Variants in AFF3 observed in about 807,000 individuals in gnomAD.
AFF3 encodes the protein AF4/FMR2 family member 3.
A neutral mutation model predicts 129.7 loss-of-function variants in AFF3; 32 were observed. The observed-to-expected ratio is 0.25, with a 90% confidence interval of 0.19 to 0.33. AFF3 has a LOEUF of 0.33. Ranked by LOEUF, AFF3 falls within the 10% of genes least tolerant of loss-of-function variation. AFF3 has a pLI of 1.00. For missense variants in AFF3, 1,373 were observed against 1,592.0 expected (o/e 0.86, Z 2.34); for synonymous variants, 644 against 635.4 (o/e 1.01, Z -0.20).
intron 8 of AFF3, among the ~76,000 whole-genome samples, 186 bp downstream of exon 8, chr2:99,837,291 C>T (rs1343458738): frequency 3.3e-5 from 5 of 152,006 alleles, no homozygotes; most frequent in African/African-American, 1.2e-4. Context: ...GCAGAGGTGC[C>T]CAGAGGGGGT....
intron 13 of AFF3, among the ~76,000 whole-genome samples, chr2:99,605,736 G>A (rs992225026): frequency 7.9e-5 from 12 of 152,224 alleles, no homozygotes; most frequent in African/African-American, 2.7e-4. Flanking sequence ...CCAGGCTGGA[G>A]TGCAGTAGTG....
At chr2:99,602,677 A>G (rs1285287133) in intron 13 of AFF3, among the ~76,000 whole-genome samples, 2 of 152,176 alleles carry the variant, frequency 1.3e-5, no homozygotes, top group Non-Finnish European at 2.9e-5. Flanking sequence ...ACTGCTTCCA[A>G]CTGTGACCAG....
At chr2:100,077,986 T>C (rs966128380) in intron 4 of AFF3, among the ~76,000 whole-genome samples, 5 of 152,234 alleles carry the variant, frequency 3.3e-5, no homozygotes, top group African/African-American at 1.2e-4. Flanking sequence ...CTTGCTAGTA[T>C]TGTCGACAAC....
chr2:99,900,082 G>A (rs1694239186), intron 7 of AFF3, among the ~76,000 whole-genome samples: 1 of 152,162 alleles, frequency 6.6e-6, no homozygotes, highest in South Asian at 2.1e-4. Context: ...GGATATTAAG[G>A]CTTGAGAAGA....
At chr2:99,779,626 C>T (rs542636281) in intron 8 of AFF3, among the ~76,000 whole-genome samples, 87 of 152,212 alleles carry the variant, frequency 5.7e-4, no homozygotes, top group African/African-American at 1.9e-3. Context: ...CCCCATCACC[C>T]GAAGCGTAAA....
At chr2:99,767,016 G>A (rs1683076064) in intron 8 of AFF3, among the ~76,000 whole-genome samples, 1 of 152,198 alleles carries the variant, frequency 6.6e-6, no homozygotes. Flanking sequence ...CACAGACACA[G>A]TTCCCTGTTT....
At chr2:99,645,737 T>C (rs566556594) in intron 13 of AFF3, among the ~76,000 whole-genome samples, 3 of 152,358 alleles carry the variant, frequency 2.0e-5, no homozygotes, top group African/African-American at 7.2e-5. Context: ...TTAAAATTTA[T>C]GTAACGGAAA....
chr2:99,553,917 C>CAAAAAAAAAAAAA (rs1674649199), intron 24 of AFF3, among the ~76,000 whole-genome samples: 3 of 72,454 alleles, frequency 4.1e-5, no homozygotes, highest in Non-Finnish European at 7.2e-5. Flanking sequence ...CTGTCTCAAA[C>CAAAAAAAAAAAAA]CAAAAAAAAA....
Position 99,706,856 on chromosome 2 carries a change from A to G in AFF3, c.1091+20221T>C, listed in dbSNP as rs1426232185. 3.9e-5 allele frequency among the ~76,000 whole-genome samples: 6 copies of G among 152,184 alleles called. No individual in the cohort carries two copies. In the East Asian group the frequency reaches 1.2e-3, roughly 29 times the overall value. On this transcript the variant is annotated intron_variant, in intron 11 of 24. Transcript: ENST00000672756. ...CTCTAAATGCCTCTCAAAGAAATAC[A>G]AATTCTTCTTTTATCTAAAATGATG...
rs114778901 is a variant in AFF3 at position 99,907,173 on chromosome 2, C to T, written c.874-69649G>A. On this transcript the variant is annotated intron_variant, in intron 7 of 24. Transcript: ENST00000672756. ...TAAGCTGGGCCTCTTTTTATCCTAA[C>T]GGAGGTGGAAAGTTACAACCCTTCC... Among the ~76,000 whole-genome samples the T allele has an allele frequency of 8.5e-3, 1,301 of 152,206 alleles. 19 individuals are homozygous for T. The highest frequency in any genetic ancestry group is 0.03 in the African/African-American group (1,227 of 41,522).
chr2:99,698,337 G>A (rs139654020), intron 11 of AFF3, among the ~76,000 whole-genome samples: 2 of 152,278 alleles, frequency 1.3e-5, no homozygotes, highest in African/African-American at 4.8e-5. Flanking sequence ...GTGCTGACTG[G>A]CCAAGAGTCT....
At chr2:99,692,662 C>A (rs77179555) in intron 11 of AFF3, among the ~76,000 whole-genome samples, 1 of 152,182 alleles carries the variant, frequency 6.6e-6, no homozygotes, top group African/African-American at 2.4e-5. Context: ...TAGAAGTCCA[C>A]CAGACATTCC....
chr2:99,884,376 T>A (rs79785265), intron 7 of AFF3, among the ~76,000 whole-genome samples: 1 of 152,146 alleles, frequency 6.6e-6, no homozygotes, highest in South Asian at 2.1e-4. Flanking sequence ...TTAACTATAG[T>A]TACCACGCTT....
At chr2:99,844,229 A>C (rs1351559037) in intron 7 of AFF3, among the ~76,000 whole-genome samples, 1 of 152,096 alleles carries the variant, frequency 6.6e-6, no homozygotes. Context: ...TAATTTTAAA[A>C]AAATTATTGA....
intron 10 of AFF3, among the ~76,000 whole-genome samples, chr2:99,742,772 C>A (rs1183900366): frequency 6.6e-6 from 1 of 152,224 alleles, no homozygotes; most frequent in African/African-American, 2.4e-5. Flanking sequence ...TGAGATCATG[C>A]AGCTCATGCA....
intron 8 of AFF3, among the ~76,000 whole-genome samples, chr2:99,753,620 C>T (rs919630714): frequency 6.6e-6 from 1 of 152,130 alleles, no homozygotes; most frequent in African/African-American, 2.4e-5. Context: ...TCATTCACCT[C>T]CCCCAGCACC....
chr2:99,761,679 C>T (rs569959543), intron 8 of AFF3, among the ~76,000 whole-genome samples: 1 of 152,340 alleles, frequency 6.6e-6, no homozygotes, highest in East Asian at 1.9e-4. Flanking sequence ...GTTTAGCTTA[C>T]AATAGGTTCA....
intron 7 of AFF3, among the ~76,000 whole-genome samples, chr2:99,910,729 A>G (rs1558967840): frequency 6.6e-6 from 1 of 152,226 alleles, no homozygotes; most frequent in Non-Finnish European, 1.5e-5. Flanking sequence ...TCTACAGGCT[A>G]CTTTTACTTA....
At chr2:99,747,684 T>C (rs932837238) in intron 9 of AFF3, among the ~76,000 whole-genome samples, 16 of 152,268 alleles carry the variant, frequency 1.1e-4, no homozygotes, top group Non-Finnish European at 1.6e-4. Context: ...TTTTGTGTGA[T>C]AGGGAGTGAA....
Sources: allele counts gnomAD v4.1 joint callset (sites outside exome capture counted in the v4.1 genomes callset), GRCh38; gene constraint gnomAD v4.1.1; transcripts MANE v1.5; gene names NCBI Gene and HGNC (gene_info 2026-07-23, HGNC 2026-07-21).